Variants in ADAM32 observed in about 807,000 individuals in gnomAD.
ADAM32 encodes the protein ADAM metallopeptidase domain 32, also known as disintegrin and metalloproteinase domain-containing protein 32.
ADAM32 carries 89 observed loss-of-function variants against 114.9 expected under a neutral mutation model. The observed-to-expected ratio is 0.77, with a 90% CI of 0.65 to 0.92. The LOEUF is 0.92. Among genes scored for constraint, ADAM32 ranks in the 40% least tolerant of loss-of-function variants. The pLI, the probability that ADAM32 is intolerant of heterozygous loss-of-function variation, is 0.00. For synonymous variants in ADAM32, 285 were observed against 307.5 expected (o/e 0.93, Z 0.77); for missense variants, 870 against 932.8 (o/e 0.93, Z 0.88).
chr8:39,251,212 T>C (rs954852652), intron 17 of ADAM32, among the ~76,000 whole-genome samples: 3 of 151,910 alleles, frequency 2.0e-5, no homozygotes, highest in Non-Finnish European at 4.4e-5. Context: ...CTGGGTCATA[T>C]AGTAGTTCTA....
At chr8:39,195,685 A>G (rs936083000) in intron 11 of ADAM32, among the ~76,000 whole-genome samples, 25 of 152,272 alleles carry the variant, frequency 1.6e-4, no homozygotes, top group Admixed American at 1.4e-3. Context: ...TGTTCTTGGT[A>G]TCTATGAAGA....
intron 4 of ADAM32, among the ~76,000 whole-genome samples, chr8:39,148,446 T>C (rs1803635929): frequency 6.6e-6 from 1 of 150,916 alleles, no homozygotes; most frequent in African/African-American, 2.4e-5. Flanking sequence ...CTACTTTAAA[T>C]TGGTCTCTTA....
intron 14 of ADAM32, among the ~76,000 whole-genome samples, chr8:39,227,025 T>C (rs778105386): frequency 3.3e-5 from 5 of 152,176 alleles, no homozygotes; most frequent in African/African-American, 1.2e-4. Context: ...CAGGACTAGA[T>C]TACAGCTCCG....
intron 16 of ADAM32, among the ~76,000 whole-genome samples, chr8:39,244,517 T>C (rs1192796632): frequency 1.3e-5 from 2 of 152,212 alleles, no homozygotes; most frequent in African/African-American, 4.8e-5. Flanking sequence ...CAACTGATCT[T>C]TGACAAAGCA....
chr8:39,147,998 C>T (rs1294721668), intron 4 of ADAM32, among the ~76,000 whole-genome samples: 3 of 152,000 alleles, frequency 2.0e-5, no homozygotes, highest in South Asian at 2.1e-4. Flanking sequence ...AGGCTTGTCT[C>T]GAACCCCTGA....
intron 11 of ADAM32, 78 bp from the exon 12 acceptor site, chr8:39,211,066 T>G: frequency 8.3e-7 from 1 of 1,199,678 alleles, no homozygotes; most frequent in South Asian, 2.9e-5. Flanking sequence ...AATTTAACAT[T>G]TTGAAATTAA....
intron 13 of ADAM32, among the ~76,000 whole-genome samples, chr8:39,222,501 GA>G (rs1809040683): frequency 6.6e-6 from 1 of 151,974 alleles, no homozygotes; most frequent in South Asian, 2.1e-4. Context: ...TTCTATGTAT[GA>G]AAGAGTCTAC....
intron 17 of ADAM32, among the ~76,000 whole-genome samples, chr8:39,253,723 G>A (rs1007142849): frequency 6.6e-6 from 1 of 151,322 alleles, no homozygotes; most frequent in Non-Finnish European, 1.5e-5. Flanking sequence ...GGAGGTGAAC[G>A]ACTTGTACAC....
chr8:39,138,618 G>A (rs1179132271), intron 3 of ADAM32, among the ~76,000 whole-genome samples: 5 of 152,112 alleles, frequency 3.3e-5, no homozygotes, highest in Non-Finnish European at 7.4e-5. Context: ...ATTGTGAATA[G>A]TGCCACAATA....
intron 2 of ADAM32, among the ~76,000 whole-genome samples, chr8:39,120,007 A>T (rs1320448619): frequency 1.3e-5 from 2 of 152,256 alleles, no homozygotes; most frequent in South Asian, 4.1e-4. Flanking sequence ...ACTGAAGGTC[A>T]TGAAAGGATA....
intron 20 of ADAM32, among the ~76,000 whole-genome samples, chr8:39,271,460 CA>C (rs33982521): frequency 0.28 from 31,001 of 110,066 alleles, 3,872 homozygotes; most frequent in African/African-American, 0.42. Context: ...CTTAACCTTA[CA>C]AAAAAAAAAA....
intron 2 of ADAM32, among the ~76,000 whole-genome samples, chr8:39,128,022 A>C (rs1802217771): frequency 1.3e-5 from 2 of 152,088 alleles, no homozygotes; most frequent in Non-Finnish European, 2.9e-5. Context: ...ATTTCTGTAG[A>C]TATCTATCAG....
chr8:39,217,657 G>A (rs1349389577), intron 12 of ADAM32, among the ~76,000 whole-genome samples: 1 of 151,462 alleles, frequency 6.6e-6, no homozygotes. Context: ...AGACTCTGAT[G>A]CATTCTTCAG....
chr8:39,112,723 G>T (rs1490119432), intron 1 of ADAM32, among the ~76,000 whole-genome samples: 2 of 152,174 alleles, frequency 1.3e-5, no homozygotes, highest in African/African-American at 4.8e-5. Context: ...AAGTACACAG[G>T]TAGGTCTCAC....
chr8:39,163,982 A>G (rs1804675633), intron 7 of ADAM32, among the ~76,000 whole-genome samples: 3 of 152,174 alleles, frequency 2.0e-5, no homozygotes, highest in Admixed American at 2.0e-4. Context: ...ATGTATATGT[A>G]TGTATACATA....
chr8:39,238,573 G>A (rs55733162), intron 16 of ADAM32, among the ~76,000 whole-genome samples: 251 of 152,246 alleles, frequency 1.6e-3, no homozygotes, highest in Non-Finnish European at 2.8e-3. Context: ...GGATCCAAAC[G>A]AAGGAGAAAT....
At chr8:39,114,393 T>C (rs966199233) in intron 1 of ADAM32, among the ~76,000 whole-genome samples, 2 of 152,228 alleles carry the variant, frequency 1.3e-5, no homozygotes, top group African/African-American at 4.8e-5. Context: ...TGCAAGCCTC[T>C]GAACTGGGTC....
chr8:39,151,525 GACA>G lies in ADAM32; in HGVS notation c.506_508del (p.Asn169del), dbSNP rs768072723. On this transcript the variant is annotated inframe_deletion, in exon 6 of 25. Coordinates refer to ENST00000379907, the MANE Select transcript of ADAM32 (RefSeq NM_145004.7). ...AAGCCTGAAAGAACAACCAATGGATGACAACATTTTTATAAGTGAAAAAGTGAG... is the reference window on the plus strand; with the variant it reads ...AAGCCTGAAAGAACAACCAATGGATGACATTTTTATAAGTGAAAAAGTGAG... The G allele has an allele frequency of 1.3e-6, 2 of 1,575,068 alleles. No homozygotes were observed. Among genetic ancestry groups the G allele is most frequent in the African/African-American group, 2.8e-5 (2 of 72,698 alleles).
chr8:39,273,730 C>T (rs1055550829), intron 20 of ADAM32, among the ~76,000 whole-genome samples: 1 of 151,774 alleles, frequency 6.6e-6, no homozygotes, highest in Non-Finnish European at 1.5e-5. Flanking sequence ...TCAGTTTTAT[C>T]GTTTTTATTG....
Sources: allele counts gnomAD v4.1 joint callset (sites outside exome capture counted in the v4.1 genomes callset), GRCh38; gene constraint gnomAD v4.1.1; transcripts MANE v1.5; gene names NCBI Gene and HGNC (gene_info 2026-07-23, HGNC 2026-07-21).